Variants in EPHA5 observed in about 807,000 individuals in gnomAD.
The protein encoded by EPHA5 is ephrin type-A receptor 5.
In EPHA5, 60 loss-of-function variants were observed where a neutral mutation model predicts 105.0. The observed-to-expected ratio is 0.57, with a 90% CI of 0.46 to 0.71. The LOEUF is 0.71. EPHA5 is among the 30% of genes least tolerant of loss of function. The pLI is 0.00. For synonymous variants in EPHA5, 513 were observed against 449.1 expected (o/e 1.14, Z -1.80); for missense variants, 1,218 against 1,274.7 (o/e 0.96, Z 0.68).
intron 6 of EPHA5, among the ~76,000 whole-genome samples, chr4:65,418,732 C>A (rs1001964410): frequency 6.6e-6 from 1 of 151,792 alleles, no homozygotes; most frequent in Non-Finnish European, 1.5e-5. Context: ...TTTCTCCATC[C>A]CTCCCCATTG....
At chr4:65,401,314 G>A (rs1721796945) in intron 8 of EPHA5, among the ~76,000 whole-genome samples, 1 of 151,652 alleles carries the variant, frequency 6.6e-6, no homozygotes. Context: ...ATATTTAATG[G>A]GTCCAAATAA....
At chr4:65,637,136 C>T (rs1299832041) in intron 2 of EPHA5, among the ~76,000 whole-genome samples, 2 of 151,322 alleles carry the variant, frequency 1.3e-5, no homozygotes, top group Admixed American at 6.6e-5. Flanking sequence ...TTGAAAAATA[C>T]ATATGGATGC....
At chr4:65,366,133 A>T in intron 9 of EPHA5, 76 bp from the exon 10 acceptor site, 4 of 1,359,144 alleles carry the variant, frequency 2.9e-6, no homozygotes, top group Non-Finnish European at 4.1e-6. Context: ...TTAACATGCA[A>T]GTATGGCTTA....
At chr4:65,399,129 G>A (rs1721552647) in intron 8 of EPHA5, among the ~76,000 whole-genome samples, 1 of 152,206 alleles carries the variant, frequency 6.6e-6, no homozygotes, top group Non-Finnish European at 1.5e-5. Flanking sequence ...GGGCTTTGCA[G>A]TTTCTGGCAT....
At chr4:65,370,127 T>C (rs1273190387) in intron 8 of EPHA5, among the ~76,000 whole-genome samples, 2 of 152,132 alleles carry the variant, frequency 1.3e-5, no homozygotes, top group Non-Finnish European at 1.5e-5. Context: ...ATCTCATGGC[T>C]TCAAATTTTA....
intron 16 of EPHA5, among the ~76,000 whole-genome samples, chr4:65,330,044 T>C (rs374373975): frequency 7.3e-5 from 11 of 151,402 alleles, no homozygotes; most frequent in African/African-American, 2.4e-4. Context: ...TATGATCTGC[T>C]GGCCCAATTA....
intron 7 of EPHA5, 46 bp downstream of exon 7, chr4:65,414,238 G>T (rs758074146): frequency 1.3e-6 from 2 of 1,577,154 alleles, no homozygotes; most frequent in Admixed American, 3.3e-5. Flanking sequence ...CTCTTTTCTG[G>T]TAACCATTAC....
At chr4:65,352,591 AT>A (rs1222872679) in intron 12 of EPHA5, among the ~76,000 whole-genome samples, 2 of 151,960 alleles carry the variant, frequency 1.3e-5, no homozygotes, top group Non-Finnish European at 2.9e-5. Context: ...CTTCAGGTAG[AT>A]TAGGAGCACT....
At chr4:65,538,754 T>G (rs1247258042) in intron 3 of EPHA5, among the ~76,000 whole-genome samples, 1 of 151,686 alleles carries the variant, frequency 6.6e-6, no homozygotes, top group Non-Finnish European at 1.5e-5. Flanking sequence ...AACATCGGAC[T>G]AACTTGGGCA....
chr4:65,337,840 C>T (rs892734677), intron 14 of EPHA5, among the ~76,000 whole-genome samples: 7 of 151,800 alleles, frequency 4.6e-5, no homozygotes, highest in Non-Finnish European at 8.8e-5. Context: ...ATTAGAAATA[C>T]CAAAAGCTAA....
chr4:65,446,049 A>C (rs1191874232), intron 5 of EPHA5, among the ~76,000 whole-genome samples: 1 of 152,200 alleles, frequency 6.6e-6, no homozygotes. Flanking sequence ...GCTATTAGCT[A>C]CATAGCTGTC....
chr4:65,544,970 T>G (rs1055920005), intron 3 of EPHA5, among the ~76,000 whole-genome samples: 3 of 151,486 alleles, frequency 2.0e-5, no homozygotes, highest in African/African-American at 4.8e-5. Context: ...CCAATTTTTT[T>G]TTCTGCTAAA....
chr4:65,516,199 A>T (rs990013282), intron 3 of EPHA5, among the ~76,000 whole-genome samples: 2 of 152,188 alleles, frequency 1.3e-5, no homozygotes, highest in African/African-American at 2.4e-5. Context: ...AACTACTAAC[A>T]GTCTACTGTT....
At chr4:65,587,701 CCAGA>C (rs1285117785) in intron 3 of EPHA5, among the ~76,000 whole-genome samples, 82 of 152,140 alleles carry the variant, frequency 5.4e-4, no homozygotes, top group African/African-American at 2.0e-3. Flanking sequence ...CTTCAGAATC[CCAGA>C]CATTCTTACG....
intron 1 of EPHA5, among the ~76,000 whole-genome samples, chr4:65,660,900 C>A (rs942815367): frequency 2.0e-5 from 3 of 152,008 alleles, no homozygotes; most frequent in African/African-American, 7.2e-5. Context: ...AATGGAATTC[C>A]CTCACATAAC....
chr4:65,446,975 A>ATTTT (rs397993760), intron 5 of EPHA5, among the ~76,000 whole-genome samples: 22 of 112,914 alleles, frequency 1.9e-4, no homozygotes, highest in East Asian at 2.4e-4. Context: ...TTAAAAGCTC[A>ATTTT]TTTTTTTTTT....
chr4:65,408,739 G>A (rs1407976879), intron 7 of EPHA5, among the ~76,000 whole-genome samples: 1 of 151,884 alleles, frequency 6.6e-6, no homozygotes, highest in South Asian at 2.1e-4. Flanking sequence ...TACACTGTTG[G>A]GGGGACTGTA....
At chr4:65,355,526 A>G (rs1024814610) in intron 11 of EPHA5, among the ~76,000 whole-genome samples, 1 of 151,558 alleles carries the variant, frequency 6.6e-6, no homozygotes, top group Non-Finnish European at 1.5e-5. Flanking sequence ...CCATTCTCAC[A>G]TCTCTGAGCC....
intron 2 of EPHA5, among the ~76,000 whole-genome samples, chr4:65,630,058 C>G (rs760458530): frequency 4.1e-5 from 4 of 98,226 alleles, no homozygotes; most frequent in Non-Finnish European, 6.5e-5. Context: ...TCCCTCTACA[C>G]ACACACACAC....
Sources: gnomAD v4.1 joint callset for allele counts (sites outside exome capture counted in the v4.1 genomes callset) on GRCh38, gnomAD v4.1.1 for gene constraint, MANE v1.5 for transcripts, NCBI Gene and HGNC (gene_info 2026-07-23, HGNC 2026-07-21) for gene names.